The following ROCK1 variants were observed in gnomAD, a reference collection of about 807,000 sequenced individuals.
ROCK1 encodes the protein rho-associated protein kinase 1.
Under a neutral mutation model 196.8 loss-of-function variants are expected in ROCK1, and 36 were observed. The ratio of observed to expected loss-of-function variants is 0.18; its 90% confidence interval spans 0.14 to 0.24. The LOEUF (loss-of-function observed/expected upper bound fraction) is 0.24. Ranked by LOEUF, ROCK1 falls within the 10% of genes least tolerant of loss-of-function variation. The pLI, the probability that ROCK1 is intolerant of heterozygous loss-of-function variation, is 1.00. For synonymous variants in ROCK1, 443 were observed against 515.9 expected (o/e 0.86, Z 1.91); for missense variants, 920 against 1,562.0 (o/e 0.59, Z 6.93).
chr18:20,982,864 C>T lies in ROCK1; in HGVS notation c.2490-32G>A, dbSNP rs28709741. 2.3e-3 allele frequency: 2,395 copies of T among 1,025,408 alleles called. 43 individuals carry two copies. In the African/African-American group the frequency reaches 0.034, roughly 15 times the overall value. The allele number at this position is 1,025,408 out of a possible 1,614,324, so 63.5% of individuals were successfully genotyped here. On this transcript the variant is annotated intron_variant, in intron 20 of 32. Transcript: ENST00000399799. ...ATGAAAAGAAAAACAAGTGAACAAACGCTCCTACTTATACTAGACTTCATT... is the reference window on the plus strand; with the variant it reads ...ATGAAAAGAAAAACAAGTGAACAAATGCTCCTACTTATACTAGACTTCATT...
chr18:21,031,154 G>C (rs993446648), intron 9 of ROCK1, among the ~76,000 whole-genome samples: 1 of 152,164 alleles, frequency 6.6e-6, no homozygotes, highest in African/African-American at 2.4e-5. Context: ...GGGGGAAAGA[G>C]GAAGAATCTG....
chr18:20,954,734 C>T, intron 31 of ROCK1, 49 bp downstream of exon 31: 1 of 1,533,502 alleles, frequency 6.5e-7, no homozygotes, highest in South Asian at 1.3e-5. Context: ...TTCATTGAGA[C>T]TTAAAATTAA....
At chr18:20,985,498 A>G (rs1265792788) in intron 19 of ROCK1, among the ~76,000 whole-genome samples, 1 of 152,102 alleles carries the variant, frequency 6.6e-6, no homozygotes, top group African/African-American at 2.4e-5. Flanking sequence ...GTAACTCCCA[A>G]ATGTGATTAG....
At chr18:20,965,117 G>A (rs544274227) in intron 27 of ROCK1, among the ~76,000 whole-genome samples, 23 of 152,248 alleles carry the variant, frequency 1.5e-4, no homozygotes, top group Non-Finnish European at 2.1e-4. Context: ...TCGGCCAGGC[G>A]GGTGGCTCAT....
chr18:21,004,076 T>C (rs998610678), intron 16 of ROCK1, among the ~76,000 whole-genome samples: 13 of 152,192 alleles, frequency 8.5e-5, no homozygotes, highest in Non-Finnish European at 1.9e-4. Flanking sequence ...CTCTATAGCC[T>C]GAACTTTTGG....
At chr18:21,035,430 CAGG>C (rs1480635743) in intron 9 of ROCK1, among the ~76,000 whole-genome samples, 13 of 152,118 alleles carry the variant, frequency 8.5e-5, no homozygotes, top group Admixed American at 7.9e-4. Context: ...GAGGCTGAGG[CAGG>C]AGGATCTCTT....
intron 11 of ROCK1, among the ~76,000 whole-genome samples, chr18:21,022,943 T>C (rs2035926569): frequency 6.6e-6 from 1 of 152,138 alleles, no homozygotes; most frequent in Non-Finnish European, 1.5e-5. Flanking sequence ...TACTACAACA[T>C]GGATGAACCT....
At chr18:20,967,691 C>T (rs1331645184) in intron 26 of ROCK1, 61 bp downstream of exon 26, 1 of 1,258,778 alleles carries the variant, frequency 7.9e-7, no homozygotes. Flanking sequence ...CAAGTATATA[C>T]AGAAATAATT....
chr18:21,042,163 G>A lies in ROCK1; in HGVS notation c.893C>T (p.Thr298Ile). The change falls in exon 8 of 33, where the codon ACC becomes ATC. Residue 298 changes from threonine to isoleucine, a missense_variant. Thr to Ile is a moderately conservative substitution (Grantham distance 89). This residue lies in a region of ROCK1 where 234 missense variants were observed against 460.7 expected (regional missense o/e 0.51). Transcript: ENST00000399799. Reference sequence around the variant, plus strand: ...TGATATGTCATTATCATCAGGAAAGGTAAGTGAATTTTTATGGTTCATAAT... The same window carrying A: ...TGATATGTCATTATCATCAGGAAAGATAAGTGAATTTTTATGGTTCATAAT... ...SKIMNHKNSLTFPDDNDISKE... is the reference protein window; with the variant it reads ...SKIMNHKNSLIFPDDNDISKE... 6.2e-7 allele frequency: 1 copy of A among 1,606,404 alleles called. No homozygotes were observed. Among genetic ancestry groups the A allele is most frequent in the Non-Finnish European group, 8.5e-7 (1 of 1,176,988 alleles).
rs529858557 is a variant in ROCK1, at chr18:21,050,726, T to C, written c.176-846A>G. 7.9e-4 allele frequency among the ~76,000 whole-genome samples: 121 copies of C among 152,336 alleles called. 1 individual carries two copies. The highest frequency in any genetic ancestry group is 2.7e-3 in the African/African-American group (112 of 41,590). ...TCAAATGCATTTAAACTCAAGTGTT[T>C]GTGTACTTTATGACCAATAAATACA... is the stretch of plus-strand genomic sequence containing the variant. On this transcript the variant is annotated intron_variant, in intron 2 of 32. Transcript: ENST00000399799.
chr18:20,996,429 C>T (rs1172815473), intron 16 of ROCK1, among the ~76,000 whole-genome samples: 1 of 151,992 alleles, frequency 6.6e-6, no homozygotes, highest in East Asian at 1.9e-4. Flanking sequence ...AGAAAATAGC[C>T]TCAAAAGAGA....
At chr18:21,091,647 T>C (rs1041331943) in intron 1 of ROCK1, among the ~76,000 whole-genome samples, 3 of 151,472 alleles carry the variant, frequency 2.0e-5, no homozygotes, top group African/African-American at 7.3e-5. Context: ...TATGTGCTAG[T>C]TGAATCTTTA....
At chr18:21,088,624 C>A (rs2036545811) in intron 1 of ROCK1, among the ~76,000 whole-genome samples, 1 of 152,136 alleles carries the variant, frequency 6.6e-6, no homozygotes, top group Non-Finnish European at 1.5e-5. Flanking sequence ...TGCCAAAATT[C>A]ATTTATTGGA....
At position 20,949,911 on chromosome 18, in the gene ROCK1, A is replaced by G. The variant is rs72879404; in HGVS notation, c.*1473T>C. On this transcript the variant is annotated 3_prime_UTR_variant, in exon 33 of 33. Transcript: ENST00000399799. Reference sequence around the variant, plus strand: ...AATTACTTTTATTTCTCATTAAATGAGCACAGAGTCATTAGTATATTAATA... The same window carrying G: ...AATTACTTTTATTTCTCATTAAATGGGCACAGAGTCATTAGTATATTAATA... 0.18 allele frequency: 24,992 copies of G among 135,800 alleles called. No homozygotes were observed. The highest frequency in any genetic ancestry group is 0.35 in the East Asian group (1,521 of 4,378). The allele number at this position is 135,800 out of a possible 1,614,324, so 8.4% of individuals were successfully genotyped here. A position where few individuals can be genotyped will look rare whatever the true frequency, so the allele number is the denominator to read the frequency against.
chr18:21,045,588 G>C (rs1032856554), intron 4 of ROCK1, 121 bp from the exon 5 acceptor site: 1 of 782,150 alleles, frequency 1.3e-6, no homozygotes, highest in African/African-American at 1.8e-5. Context: ...TACAGAAGTT[G>C]CAAGTCTAGT....
At chr18:21,041,608 T>G (rs1431537501) in intron 8 of ROCK1, among the ~76,000 whole-genome samples, 1 of 152,126 alleles carries the variant, frequency 6.6e-6, no homozygotes, top group East Asian at 1.9e-4. Flanking sequence ...GATAGTATAC[T>G]TTTAAAAATG....
chr18:21,001,016 A>G (rs2082943231), intron 16 of ROCK1, among the ~76,000 whole-genome samples: 1 of 152,234 alleles, frequency 6.6e-6, no homozygotes, highest in African/African-American at 2.4e-5. Flanking sequence ...CCACAGTAAT[A>G]TTCTGTTATA....
In ROCK1 at chr18:21,015,487, A is replaced by T; in HGVS notation, c.1362-8T>A. The stretch of plus-strand genomic sequence containing the variant: ...AGTTTTATGTTTGAGGTTCTGTAAA[A>T]ACAAAAGCAATACAGATTAGAAATA... On this transcript the variant is annotated splice_polypyrimidine_tract_variant and splice_region_variant and intron_variant, in intron 12 of 32. Coordinates refer to ENST00000399799, the MANE Select transcript of ROCK1 (RefSeq NM_005406.3). 2 of 1,512,924 alleles carry T rather than the reference A, an allele frequency of 1.3e-6. No individual in the cohort carries two copies. Among genetic ancestry groups the T allele is most frequent in the Non-Finnish European group, 1.8e-6 (2 of 1,093,538 alleles). 93.7% of individuals were successfully genotyped at this position (1,512,924 alleles called of 1,614,324 possible). A position where few individuals can be genotyped will look rare whatever the true frequency, so the allele number is the denominator to read the frequency against.
intron 1 of ROCK1, among the ~76,000 whole-genome samples, chr18:21,087,126 A>T (rs2036534457): frequency 6.6e-6 from 1 of 152,208 alleles, no homozygotes; most frequent in Non-Finnish European, 1.5e-5. Flanking sequence ...GATGTTTTCT[A>T]TGCCTAATTT....
Sources: gnomAD v4.1 joint callset for allele counts (sites outside exome capture counted in the v4.1 genomes callset) on GRCh38, gnomAD v4.1.1 for gene constraint, gnomAD v4.1.1 regional missense constraint, MANE v1.5 for transcripts, NCBI Gene and HGNC (gene_info 2026-07-23, HGNC 2026-07-21) for gene names.